Variants in CHD7 observed in about 807,000 individuals in gnomAD.
CHD7 encodes ATP-dependent chromatin remodeler CHD7.
Under a neutral mutation model 307.3 loss-of-function variants are expected in CHD7, and 24 were observed. The observed-to-expected ratio is 0.08, with a 90% CI of 0.06 to 0.11. CHD7 has a LOEUF of 0.11. CHD7 is among the 10% of genes least tolerant of loss of function. The pLI is 1.00. For synonymous variants in CHD7, 1,363 were observed against 1,349.9 expected, an observed-to-expected ratio of 1.01 and a Z score of -0.21; for missense variants, 3,106 against 3,727.1, an observed-to-expected ratio of 0.83 and a Z score of 4.34.
chr8:60,806,840 G>A (rs991365970), intron 6 of CHD7, among the ~76,000 whole-genome samples: 3 of 151,944 alleles, frequency 2.0e-5, no homozygotes, highest in African/African-American at 2.4e-5. Context: ...CCCAGCCTAC[G>A]GAAAATACAG....
intron 23 of CHD7, 144 bp from the exon 24 acceptor site, chr8:60,848,371 A>G: frequency 3.3e-6 from 2 of 602,460 alleles, no homozygotes; most frequent in Non-Finnish European, 6.0e-6. Flanking sequence ...ATGTGCCACC[A>G]TCTGTCACGC....
chr8:60,814,117 G>T (rs1179551694), intron 7 of CHD7, among the ~76,000 whole-genome samples: 1 of 152,074 alleles, frequency 6.6e-6, no homozygotes, highest in Non-Finnish European at 1.5e-5. Context: ...ACGTTTTCTT[G>T]CCTTAATTAT....
At chr8:60,768,466 A>G (rs946606285) in intron 2 of CHD7, among the ~76,000 whole-genome samples, 1 of 152,200 alleles carries the variant, frequency 6.6e-6, no homozygotes, top group African/African-American at 2.4e-5. Context: ...GTGTACTTGG[A>G]TGGGGTGGCT....
At position 60,751,287 on chromosome 8, in the gene CHD7, A is replaced by G. The variant is rs145246708; in HGVS notation, c.1665+8190A>G. Among the ~76,000 whole-genome samples, 476 of 152,280 alleles carry G rather than the reference A, an allele frequency of 3.1e-3. 6 individuals carry two copies. Among genetic ancestry groups the G allele is most frequent in the African/African-American group, 0.011 (454 of 41,556 alleles). On this transcript the variant is annotated intron_variant, in intron 2 of 37. Coordinates refer to ENST00000423902, the MANE Select transcript of CHD7 (RefSeq NM_017780.4). ...GGAAAAAGCCTTCATTTTTATTAAT[A>G]TGCATGATCCCCCCTCCCCATTTCT...
At chr8:60,679,841 A>T in intron 1 of CHD7, 1 of 150,012 alleles carries the variant, frequency 6.7e-6, no homozygotes, top group Non-Finnish European at 1.5e-5. Flanking sequence ...GGGCGGGGGC[A>T]GCGCGAACAC....
intron 21 of CHD7, among the ~76,000 whole-genome samples, chr8:60,844,340 C>T (rs748391979): frequency 2.0e-5 from 3 of 152,134 alleles, no homozygotes; most frequent in African/African-American, 7.2e-5. Flanking sequence ...GTTATTACTC[C>T]GTTTCAAAAG....
intron 2 of CHD7, among the ~76,000 whole-genome samples, chr8:60,745,792 T>C (rs1809293390): frequency 6.6e-6 from 1 of 152,170 alleles, no homozygotes; most frequent in Non-Finnish European, 1.5e-5. Flanking sequence ...AACCTGGTGA[T>C]CTTAGGCAAA....
chr8:60,801,815 A>G (rs1031778270), intron 6 of CHD7, among the ~76,000 whole-genome samples: 2 of 152,240 alleles, frequency 1.3e-5, no homozygotes, highest in African/African-American at 4.8e-5. Context: ...CACCATTCAG[A>G]GTGGACTAGA....
intron 32 of CHD7, chr8:60,855,218 T>G (rs1441431269): frequency 6.6e-6 from 1 of 152,136 alleles, no homozygotes; most frequent in East Asian, 1.9e-4. Flanking sequence ...AGGTGAAAAT[T>G]TTGACCAAAG....
chr8:60,829,545 G>A (rs756028302), intron 14 of CHD7, among the ~76,000 whole-genome samples: 1 of 152,196 alleles, frequency 6.6e-6, no homozygotes, highest in Non-Finnish European at 1.5e-5. Context: ...AGGTTGCAGT[G>A]AGCCAAGATT....
chr8:60,713,227 T>G (rs1037216639), intron 1 of CHD7, among the ~76,000 whole-genome samples: 3 of 152,010 alleles, frequency 2.0e-5, no homozygotes, highest in African/African-American at 7.2e-5. Flanking sequence ...TTCTCCTGCT[T>G]CAGCCTCACT....
At chr8:60,765,467 T>G (rs1810429392) in intron 2 of CHD7, among the ~76,000 whole-genome samples, 1 of 152,212 alleles carries the variant, frequency 6.6e-6, no homozygotes, top group African/African-American at 2.4e-5. Flanking sequence ...TGGGAGCACT[T>G]GACTCCACCT....
intron 1 of CHD7, among the ~76,000 whole-genome samples, chr8:60,736,324 C>T (rs1424147224): frequency 6.6e-6 from 1 of 152,100 alleles, no homozygotes; most frequent in South Asian, 2.1e-4. Flanking sequence ...TCCTGTTAAC[C>T]GGATTCAGGA....
chr8:60,821,923 G>C lies in CHD7; in HGVS notation c.2831G>C (p.Arg944Pro). The C allele has an allele frequency of 6.2e-7, 1 of 1,613,208 alleles. No homozygotes were observed. Among genetic ancestry groups the C allele is most frequent in the East Asian group, 2.2e-5 (1 of 44,858 alleles). Reference sequence around the variant, plus strand: ...ATGTCCAGGGAGCCGGAAACAGAGCGTGTGGTAAGAATTGGCTGATGGTAG... The same window carrying C: ...ATGTCCAGGGAGCCGGAAACAGAGCCTGTGGTAAGAATTGGCTGATGGTAG... ...KLMSREPETE[R>P]VERPPADDWK... is the part of the protein sequence containing the mutation. Residue 944 changes from arginine to proline, a missense_variant, in exon 10 of 38, where the codon CGT becomes CCT. By Grantham distance (103) the Arg-to-Pro change is moderately radical (BLOSUM62 -2). Coordinates refer to ENST00000423902, the MANE Select transcript of CHD7 (RefSeq NM_017780.4).
chr8:60,739,292 G>C (rs1808871564), intron 1 of CHD7, among the ~76,000 whole-genome samples: 1 of 152,188 alleles, frequency 6.6e-6, no homozygotes, highest in South Asian at 2.1e-4. Context: ...AAGTGGTTGG[G>C]CTGCATGGCT....
chr8:60,714,687 C>T (rs1010911569), intron 1 of CHD7, among the ~76,000 whole-genome samples: 1 of 152,124 alleles, frequency 6.6e-6, no homozygotes, highest in Admixed American at 6.5e-5. Context: ...TGCCACCTGC[C>T]CTCCCTCATG....
rs899017666 is a variant in CHD7, at chr8:60,838,059, A to G, written c.4354-17A>G. Reference sequence around the variant, plus strand: ...TTTTAAATTATTTTGAGTATTTTAAATATTTCTCTAAAACAGGTACAACAG... The same window carrying G: ...TTTTAAATTATTTTGAGTATTTTAAGTATTTCTCTAAAACAGGTACAACAG... On this transcript the variant is annotated splice_polypyrimidine_tract_variant and intron_variant, in intron 18 of 37. Transcript: ENST00000423902. 3 of 1,458,562 alleles carry G rather than the reference A, an allele frequency of 2.1e-6. No individual in the cohort carries two copies. The highest frequency in any genetic ancestry group is 2.9e-5 in the African/African-American group (2 of 69,674). The allele number at this position is 1,458,562 out of a possible 1,614,324, so 90.4% of individuals were successfully genotyped here.
At chr8:60,851,900 C>T (rs1391250401) in intron 28 of CHD7, 119 bp from the exon 29 acceptor site, 5 of 623,514 alleles carry the variant, frequency 8.0e-6, no homozygotes, top group Non-Finnish European at 1.4e-5. Flanking sequence ...AATGAGGGCA[C>T]TGAGATGCCC....
intron 6 of CHD7, among the ~76,000 whole-genome samples, chr8:60,804,469 G>C (rs932075291): frequency 1.3e-5 from 2 of 152,054 alleles, no homozygotes; most frequent in African/African-American, 4.8e-5. Flanking sequence ...TAAGTATGTA[G>C]CTGAGCCTCC....
Sources: gnomAD v4.1 joint callset for allele counts (sites outside exome capture counted in the v4.1 genomes callset) on GRCh38, gnomAD v4.1.1 for gene constraint, MANE v1.5 for transcripts, NCBI Gene and HGNC (gene_info 2026-07-23, HGNC 2026-07-21) for gene names.